Variants in EYS observed in about 807,000 individuals in gnomAD.
EYS encodes protein eyes shut homolog.
A neutral mutation model predicts 282.1 loss-of-function variants in EYS; 250 were observed. The ratio of observed to expected loss-of-function variants is 0.89; its 90% CI spans 0.80 to 0.98. The LOEUF is 0.98. Ranked by LOEUF, EYS falls within the 50% of genes least tolerant of loss-of-function variation. EYS has a pLI of 0.00. For missense variants in EYS, 4,016 were observed against 3,709.0 expected (o/e 1.08, Z -2.15); for synonymous variants, 1,355 against 1,282.9 (o/e 1.06, Z -1.20).
At chr6:64,908,488 G>A (rs1038132972) in intron 16 of EYS, among the ~76,000 whole-genome samples, 8 of 151,996 alleles carry the variant, frequency 5.3e-5, no homozygotes, top group Non-Finnish European at 8.8e-5. Context: ...CTGGTTGGAC[G>A]GCCTTTCTGG....
intron 26 of EYS, among the ~76,000 whole-genome samples, chr6:64,451,866 A>T (rs1051937639): frequency 1.3e-5 from 2 of 152,216 alleles, no homozygotes; most frequent in African/African-American, 4.8e-5. Context: ...TCTCAAAATA[A>T]TAAGAGCTAT....
intron 34 of EYS, among the ~76,000 whole-genome samples, chr6:63,987,231 G>GT (rs1398581394): frequency 6.6e-6 from 1 of 151,654 alleles, no homozygotes; most frequent in African/African-American, 2.4e-5. Context: ...ATAGCTTGCT[G>GT]TTTTTTCAGT....
chr6:64,362,957 T>C (rs1188536509), intron 29 of EYS, among the ~76,000 whole-genome samples: 1 of 150,934 alleles, frequency 6.6e-6, no homozygotes, highest in African/African-American at 2.4e-5. Context: ...TTCTTTTTCC[T>C]TCTTTCCTTC....
intron 22 of EYS, among the ~76,000 whole-genome samples, chr6:64,802,023 CT>C (rs1199002175): frequency 1.4e-5 from 1 of 70,798 alleles, no homozygotes; most frequent in African/African-American, 4.9e-5. Context: ...ATTTCTTTTT[CT>C]TTTTTTTTCT....
intron 31 of EYS, among the ~76,000 whole-genome samples, chr6:64,134,692 A>C (rs1232552615): frequency 6.6e-6 from 1 of 152,036 alleles, no homozygotes; most frequent in Non-Finnish European, 1.5e-5. Flanking sequence ...AATATGAGAA[A>C]ATGGGAACCC....
Position 65,295,901 on chromosome 6 carries a change from C to A in EYS, c.1985G>T (p.Arg662Met), listed in dbSNP as rs144430026. The change falls in exon 12 of 43, where the codon AGG (arginine) becomes ATG (methionine). Residue 662 changes from arginine to methionine, a missense_variant. Physicochemically the swap from Arg to Met is moderately conservative, Grantham distance 91. Coordinates refer to ENST00000503581, the MANE Select transcript of EYS (RefSeq NM_001142800.2). ...GACACACTTGCGGAAGAAATATCCCCTTAAATGTGTACTAGTTGTTCCATT... is the reference window on the plus strand; with the variant it reads ...GACACACTTGCGGAAGAAATATCCCATTAAATGTGTACTAGTTGTTCCATT... ...CKNGTTSTHL[R>M]GYFFRKCVPG... 2,330 of 1,550,700 alleles carry A rather than the reference C, an allele frequency of 1.5e-3. 53 individuals carry two copies. In the East Asian group the frequency reaches 0.044, roughly 29 times the overall value.
chr6:63,841,965 A>G (rs1358962919), intron 36 of EYS, among the ~76,000 whole-genome samples: 1 of 152,150 alleles, frequency 6.6e-6, no homozygotes, highest in Non-Finnish European at 1.5e-5. Flanking sequence ...GCTGCATAGT[A>G]TTCCATGTAT....
intron 12 of EYS, among the ~76,000 whole-genome samples, chr6:65,082,805 A>AT (rs921590726): frequency 4.6e-5 from 6 of 131,510 alleles, no homozygotes; most frequent in Non-Finnish European, 1.0e-4. Context: ...AAAATATATG[A>AT]TTTTTTCACT....
chr6:65,269,116 C>T (rs1345546214), intron 12 of EYS, among the ~76,000 whole-genome samples: 2 of 152,098 alleles, frequency 1.3e-5, no homozygotes, highest in Admixed American at 6.6e-5. Context: ...AGTATCAGCT[C>T]TTAAAATGAC....
At chr6:64,125,753 T>C (rs1386492030) in intron 31 of EYS, among the ~76,000 whole-genome samples, 4 of 126,348 alleles carry the variant, frequency 3.2e-5, no homozygotes, top group Non-Finnish European at 6.2e-5. Context: ...ACCACTGCAC[T>C]CCAGCCTGGG....
intron 26 of EYS, among the ~76,000 whole-genome samples, chr6:64,458,483 G>A (rs187547757): frequency 1.3e-4 from 20 of 151,770 alleles, no homozygotes; most frequent in Middle Eastern, 3.4e-3. Context: ...TTTTTCTTCA[G>A]CACTTTGACT....
intron 36 of EYS, among the ~76,000 whole-genome samples, chr6:63,818,833 A>G (rs1225110261): frequency 6.6e-6 from 1 of 152,186 alleles, no homozygotes. Context: ...TTTCCAAGGG[A>G]AACCTCCGTG....
At chr6:65,332,532 A>C in intron 11 of EYS, 1 of 861,866 alleles carries the variant, frequency 1.2e-6, no homozygotes, top group South Asian at 1.5e-5. Flanking sequence ...ATTTTCATTG[A>C]TCTTAGTGGT....
chr6:64,746,564 T>C (rs1772561990), intron 22 of EYS, among the ~76,000 whole-genome samples: 1 of 152,242 alleles, frequency 6.6e-6, no homozygotes, highest in African/African-American at 2.4e-5. Flanking sequence ...CACATTTATG[T>C]GTTTTTTAAA....
At chr6:63,988,875 T>C (rs1180877321) in intron 34 of EYS, among the ~76,000 whole-genome samples, 1 of 151,660 alleles carries the variant, frequency 6.6e-6, no homozygotes, top group African/African-American at 2.4e-5. Context: ...GTTATTCTTT[T>C]ATGATACGTA....
intron 30 of EYS, among the ~76,000 whole-genome samples, chr6:64,248,349 T>G (rs1251713271): frequency 6.6e-6 from 1 of 152,078 alleles, no homozygotes; most frequent in African/African-American, 2.4e-5. Context: ...GAAACTACAC[T>G]CTGGTTTTAG....
At chr6:65,518,246 T>A (rs1169711357) in intron 2 of EYS, among the ~76,000 whole-genome samples, 2 of 151,992 alleles carry the variant, frequency 1.3e-5, no homozygotes, top group Non-Finnish European at 2.9e-5. Context: ...AAAGAAAAAA[T>A]TTACTTCTAT....
At chr6:64,820,383 A>G (rs1364356584) in intron 21 of EYS, among the ~76,000 whole-genome samples, 1 of 152,142 alleles carries the variant, frequency 6.6e-6, no homozygotes, top group African/African-American at 2.4e-5. Context: ...ATATTTTAAT[A>G]CAAAACTAAG....
chr6:64,426,291 C>CT (rs930814305), intron 28 of EYS, among the ~76,000 whole-genome samples: 2 of 152,148 alleles, frequency 1.3e-5, no homozygotes, highest in Non-Finnish European at 2.9e-5. Context: ...TAACAACACT[C>CT]TTTTTTATTT....
Sources: gnomAD v4.1 joint callset for allele counts (sites outside exome capture counted in the v4.1 genomes callset) on GRCh38, gnomAD v4.1.1 for gene constraint, MANE v1.5 for transcripts, NCBI Gene and HGNC (gene_info 2026-07-23, HGNC 2026-07-21) for gene names.